The following SNX25 variants were observed in gnomAD, a reference collection of about 807,000 sequenced individuals.
SNX25 encodes the protein sorting nexin 25, also known as sorting nexin-25.
SNX25 carries 62 observed loss-of-function variants against 113.7 expected under a neutral mutation model. The ratio of observed to expected loss-of-function variants is 0.55; its 90% CI spans 0.44 to 0.67. The LOEUF is 0.67. Among genes scored for constraint, SNX25 ranks in the 30% least tolerant of loss-of-function variants. The pLI is 0.00. For synonymous variants in SNX25, 421 were observed against 436.2 expected, an observed-to-expected ratio of 0.97 and a Z score of 0.43; for missense variants, 1,014 against 1,161.0, an observed-to-expected ratio of 0.87 and a Z score of 1.84.
intron 1 of SNX25, among the ~76,000 whole-genome samples, chr4:185,243,556 T>G (rs891100987): frequency 6.6e-6 from 1 of 152,070 alleles, no homozygotes; most frequent in African/African-American, 2.4e-5. Flanking sequence ...GAGCCAAGAT[T>G]GCACCACTGT....
chr4:185,357,531 T>G (rs138028655), intron 15 of SNX25, 140 bp from the exon 16 acceptor site: 162 of 690,040 alleles, frequency 2.3e-4, no homozygotes, highest in African/African-American at 1.9e-3. Context: ...TAAACCCAAA[T>G]TCTGCAGATG....
intron 6 of SNX25, among the ~76,000 whole-genome samples, chr4:185,303,222 G>C (rs2126647620): frequency 6.6e-6 from 1 of 152,276 alleles, no homozygotes; most frequent in African/African-American, 2.4e-5. Context: ...AATCTGCTCA[G>C]CTCACAGTGC....
At chr4:185,239,826 T>G (rs1393313011) in intron 1 of SNX25, among the ~76,000 whole-genome samples, 1 of 148,128 alleles carries the variant, frequency 6.8e-6, no homozygotes, top group African/African-American at 2.5e-5. Context: ...AGAGGGGGAT[T>G]TGGCAGGGTC....
At chr4:185,373,085 A>T, downstream of SNX25, 1 of 1,600,808 alleles carries the variant, frequency 6.2e-7, no homozygotes, top group South Asian at 1.1e-5. Flanking sequence ...AATGCCTAAG[A>T]AAAGCACAGT....
At chr4:185,344,507 T>G (rs1021014883) in intron 12 of SNX25, among the ~76,000 whole-genome samples, 1 of 152,114 alleles carries the variant, frequency 6.6e-6, no homozygotes, top group Admixed American at 6.5e-5. Flanking sequence ...GGTAAATCAG[T>G]GTGCATAAAG....
At chr4:185,344,946 G>C (rs1236035305) in intron 12 of SNX25, among the ~76,000 whole-genome samples, 1 of 152,112 alleles carries the variant, frequency 6.6e-6, no homozygotes, top group Non-Finnish European at 1.5e-5. Context: ...ATTTTCCCCA[G>C]AGTTGTTGAG....
chr4:185,284,763 TGAA>T (rs1274351082), intron 5 of SNX25, among the ~76,000 whole-genome samples: 3 of 151,978 alleles, frequency 2.0e-5, no homozygotes, highest in African/African-American at 7.2e-5. Context: ...GAGAGAGGAT[TGAA>T]GTCAGGGAGA....
In SNX25 at chr4:185,363,668, A is replaced by G. The variant is rs113504609; in HGVS notation, c.*203A>G. Reference sequence around the variant, plus strand: ...ACAGAAAAAAACTTCTATTGATTTTAATTTAATATGAATACTTTAAAGATC... The same window carrying G: ...ACAGAAAAAAACTTCTATTGATTTTGATTTAATATGAATACTTTAAAGATC... On this transcript the variant is annotated 3_prime_UTR_variant, in exon 19 of 19. Transcript: ENST00000652585. This position sits in a 1 kb window ranked among gnomAD's most constrained non-coding sequence, Gnocchi z 4.2. 17 of 457,114 alleles carry G rather than the reference A, an allele frequency of 3.7e-5. 1 individual carries two copies. Among genetic ancestry groups the G allele is most frequent in the African/African-American group, 1.9e-4 (10 of 51,646 alleles). The allele number at this position is 457,114 out of a possible 1,614,324, so 28.3% of individuals were successfully genotyped here. A position where few individuals can be genotyped will look rare whatever the true frequency, so the allele number is the denominator to read the frequency against.
At chr4:185,330,953 C>T (rs1399117913) in intron 9 of SNX25, among the ~76,000 whole-genome samples, 1 of 152,080 alleles carries the variant, frequency 6.6e-6, no homozygotes, top group Non-Finnish European at 1.5e-5. Flanking sequence ...ACAGCAAATG[C>T]CGTAAAAGAG....
At chr4:185,215,919 C>T (rs1738741691) in intron 1 of SNX25, among the ~76,000 whole-genome samples, 1 of 151,866 alleles carries the variant, frequency 6.6e-6, no homozygotes, top group South Asian at 2.1e-4. Flanking sequence ...ACCTCACCCT[C>T]CCGAGTAGCT....
intron 16 of SNX25, 100 bp downstream of exon 16, chr4:185,357,837 CT>C (rs763582361): frequency 2.3e-5 from 22 of 974,850 alleles, no homozygotes; most frequent in African/African-American, 3.2e-5. Context: ...AACTGAAAGT[CT>C]TTAATTTTCT....
At chr4:185,377,269 AGC>A in the SNX25 span, 1 of 412,302 alleles carries the variant, frequency 2.4e-6, no homozygotes, top group South Asian at 3.2e-5. Flanking sequence ...TGTAAATCTC[AGC>A]ACTCTGGGAG....
At chr4:185,335,316 TCACACACA>T (rs3047486) in intron 10 of SNX25, among the ~76,000 whole-genome samples, 2,788 of 140,872 alleles carry the variant, frequency 0.02, 94 homozygotes, top group African/African-American at 0.068. Flanking sequence ...TGAAAAAGTC[TCACACACA>T]CACACACACA....
chr4:185,215,160 C>T (rs1327591759), intron 1 of SNX25, among the ~76,000 whole-genome samples: 3 of 151,808 alleles, frequency 2.0e-5, no homozygotes, highest in Admixed American at 1.3e-4. Flanking sequence ...ACCCGGGAGG[C>T]GGAGCTTGCA....
chr4:185,328,241 A>G (rs1003427029), intron 9 of SNX25, among the ~76,000 whole-genome samples: 4 of 152,312 alleles, frequency 2.6e-5, no homozygotes, highest in East Asian at 1.9e-4. Context: ...TAGGAAAACA[A>G]TTTCCAGGGC....
upstream of SNX25, among the ~76,000 whole-genome samples, chr4:185,204,856 CAGGA>C (rs1285690118): frequency 6.6e-6 from 1 of 152,232 alleles, no homozygotes; most frequent in African/African-American, 2.4e-5. Flanking sequence ...CCTGAAACCT[CAGGA>C]AGGAACTAGA....
intron 10 of SNX25, among the ~76,000 whole-genome samples, chr4:185,336,308 T>C (rs2095229576): frequency 6.6e-6 from 1 of 152,182 alleles, no homozygotes; most frequent in Admixed American, 6.5e-5. Flanking sequence ...GTGTAGTCTT[T>C]TATCCCTCAT....
At chr4:185,256,593 A>G (rs1301899255) in intron 2 of SNX25, among the ~76,000 whole-genome samples, 1 of 142,028 alleles carries the variant, frequency 7.0e-6, no homozygotes, top group East Asian at 2.0e-4. Context: ...CCACCCTCCA[A>G]TCCCTCCCCC....
At chr4:185,317,934 TTAAAG>T (rs2095088350) in intron 7 of SNX25, among the ~76,000 whole-genome samples, 1 of 152,074 alleles carries the variant, frequency 6.6e-6, no homozygotes, top group Non-Finnish European at 1.5e-5. Flanking sequence ...ATCCCAGAAT[TTAAAG>T]TAAAATTTAA....
Sources: allele counts gnomAD v4.1 joint callset (sites outside exome capture counted in the v4.1 genomes callset), GRCh38; gene constraint gnomAD v4.1.1; non-coding constraint Gnocchi (gnomAD v3.1); transcripts MANE v1.5; gene names NCBI Gene and HGNC (gene_info 2026-07-23, HGNC 2026-07-21).